The following PDE3A variants were observed in gnomAD, a reference collection of about 807,000 sequenced individuals.
The protein encoded by PDE3A is phosphodiesterase 3A.
In PDE3A, 43 loss-of-function variants were observed where a neutral mutation model predicts 98.3. That is an observed-to-expected ratio of 0.44 (90% CI 0.34 to 0.56). The LOEUF (loss-of-function observed/expected upper bound fraction) is 0.56. Among genes scored for constraint, PDE3A ranks in the 20% least tolerant of loss-of-function variants. PDE3A has a pLI of 0.01. For missense variants in PDE3A, 1,427 were observed against 1,440.7 expected (o/e 0.99, Z 0.15); for synonymous variants, 663 against 567.9 (o/e 1.17, Z -2.38).
At chr12:20,383,506 T>C (rs979620669) in intron 1 of PDE3A, among the ~76,000 whole-genome samples, 2 of 151,986 alleles carry the variant, frequency 1.3e-5, no homozygotes, top group African/African-American at 4.8e-5. Context: ...TTTTACCAGC[T>C]TCCACAGGGC....
intron 15 of PDE3A, among the ~76,000 whole-genome samples, chr12:20,670,426 A>T (rs1441675183): frequency 6.6e-6 from 1 of 152,014 alleles, no homozygotes; most frequent in Non-Finnish European, 1.5e-5. Flanking sequence ...CACCTATTCC[A>T]AAATTGACCA....
chr12:20,666,895 CAG>C (rs1259254640), intron 15 of PDE3A, among the ~76,000 whole-genome samples: 1 of 152,182 alleles, frequency 6.6e-6, no homozygotes, highest in Non-Finnish European at 1.5e-5. Flanking sequence ...TACCTACAAA[CAG>C]TGTTATGAGT....
chr12:20,381,768 C>G (rs1454085410), intron 1 of PDE3A, among the ~76,000 whole-genome samples: 2 of 151,828 alleles, frequency 1.3e-5, no homozygotes. Context: ...AAAATGTCGG[C>G]AAGTAAGTTT....
chr12:20,552,143 A>G lies in PDE3A; in HGVS notation c.961-4517A>G, dbSNP rs963118118. On this transcript the variant is annotated intron_variant, in intron 1 of 15. Coordinates refer to ENST00000359062, the MANE Select transcript of PDE3A (RefSeq NM_000921.5). This position sits in a 1 kb window ranked among gnomAD's most constrained non-coding sequence, Gnocchi z 5.1. ...TGTGATCAGAAACTCACCAACACCA[A>G]CAGGGCGCTGGCTCTCAACTGCTTT... 2.5e-6 allele frequency: 4 copies of G among 1,613,660 alleles called. No homozygotes were observed. The highest frequency in any genetic ancestry group is 2.5e-6 in the Non-Finnish European group (3 of 1,179,884).
intron 2 of PDE3A, among the ~76,000 whole-genome samples, chr12:20,610,122 G>GCCTT: frequency 1.0e-4 from 1 of 9,672 alleles, no homozygotes. Flanking sequence ...TGACAGACTG[G>GCCTT]GAAAAAAAAT....
At chr12:20,422,812 T>C (rs73239535) in intron 1 of PDE3A, among the ~76,000 whole-genome samples, 4,981 of 152,316 alleles carry the variant, frequency 0.033, 279 homozygotes, top group African/African-American at 0.11. Flanking sequence ...AGTTCTAGTA[T>C]GTTTATCTCT....
chr12:20,386,018 A>T (rs1170117388), intron 1 of PDE3A, among the ~76,000 whole-genome samples: 4 of 78,624 alleles, frequency 5.1e-5, no homozygotes, highest in African/African-American at 1.0e-4. Context: ...ATATATATAA[A>T]ATATATATAT....
At chr12:20,605,068 T>C (rs1943678239) in intron 2 of PDE3A, among the ~76,000 whole-genome samples, 1 of 152,210 alleles carries the variant, frequency 6.6e-6, no homozygotes, top group Admixed American at 6.5e-5. Context: ...AAAATCTATT[T>C]ATGAACTCTG....
chr12:20,545,830 A>G (rs1419356718), intron 1 of PDE3A, among the ~76,000 whole-genome samples: 1 of 152,038 alleles, frequency 6.6e-6, no homozygotes, highest in East Asian at 1.9e-4. Flanking sequence ...AAAACAAAAA[A>G]GTTTTGTGGA....
chr12:20,491,833 T>C (rs1398726095), intron 1 of PDE3A, among the ~76,000 whole-genome samples: 1 of 152,172 alleles, frequency 6.6e-6, no homozygotes, highest in East Asian at 1.9e-4. Flanking sequence ...TTTACAGTAG[T>C]AGTTAGTAGT....
At chr12:20,447,878 T>C (rs1222766684) in intron 1 of PDE3A, among the ~76,000 whole-genome samples, 1 of 152,102 alleles carries the variant, frequency 6.6e-6, no homozygotes, top group Non-Finnish European at 1.5e-5. Context: ...CTTGAGGGAC[T>C]GAGGGGTGAT....
intron 2 of PDE3A, among the ~76,000 whole-genome samples, chr12:20,595,022 T>C (rs1176463017): frequency 6.6e-6 from 1 of 152,148 alleles, no homozygotes; most frequent in Non-Finnish European, 1.5e-5. Flanking sequence ...ATTAGAATAT[T>C]TTCAACTGTA....
At chr12:20,405,264 G>A (rs1944212243) in intron 1 of PDE3A, among the ~76,000 whole-genome samples, 1 of 151,978 alleles carries the variant, frequency 6.6e-6, no homozygotes, top group African/African-American at 2.4e-5. Flanking sequence ...GGCCTCTTAT[G>A]GTTTCTTTGT....
chr12:20,670,569 G>A (rs1393263674), intron 15 of PDE3A, among the ~76,000 whole-genome samples: 3 of 152,062 alleles, frequency 2.0e-5, no homozygotes, highest in African/African-American at 7.3e-5. Context: ...CAACTGCATG[G>A]AAACTGAACA....
chr12:20,560,322 G>GAGTT (rs1294997182), intron 2 of PDE3A, among the ~76,000 whole-genome samples: 1 of 152,154 alleles, frequency 6.6e-6, no homozygotes, highest in Admixed American at 6.5e-5. Flanking sequence ...GCTGAGGAGG[G>GAGTT]AGTTAATATG....
Position 20,449,760 on chromosome 12 carries a change from C to CTGG in PDE3A, c.960+79516_960+79517insTGG, listed in dbSNP as rs1178444994. 4.0e-5 allele frequency: 19 copies of CTGG among 476,924 alleles called. No individual in the cohort carries two copies. In the East Asian group the frequency reaches 5.8e-4, roughly 14 times the overall value. The allele number at this position is 476,924 out of a possible 1,614,324, so 29.5% of individuals were successfully genotyped here. ...TGAAGTGGATGCTCAGGCTGGGGGT[C>CTGG]ATTCACCAGTGCTGTGAGGGACTGG... On this transcript the variant is annotated intron_variant, in intron 1 of 15. Coordinates refer to ENST00000359062, the MANE Select transcript of PDE3A (RefSeq NM_000921.5).
rs572838636 is a variant in PDE3A, at chr12:20,637,801, A to C, written c.2139+564A>C. On this transcript the variant is annotated intron_variant, in intron 9 of 15. Transcript: ENST00000359062. ...CTAGACTACTCTCAAGGCTTTTCAC[A>C]TAAATAATTACTTGTTTTGCTGAAG... Among the ~76,000 whole-genome samples the C allele has an allele frequency of 5.9e-5, 9 of 152,164 alleles. No individual in the cohort carries two copies. The South Asian group carries it at 1.9e-3, about 31-fold the overall frequency.
chr12:20,488,533 C>T (rs995517315), intron 1 of PDE3A, among the ~76,000 whole-genome samples: 15 of 152,040 alleles, frequency 9.9e-5, no homozygotes, highest in South Asian at 2.1e-4. Flanking sequence ...GTATGGAAAG[C>T]AAGATGCAAT....
rs994317854 is a variant in PDE3A at position 20,653,279 on chromosome 12, G to A, written c.2926-668G>A. Among the ~76,000 whole-genome samples, 3 of 151,934 alleles carry A rather than the reference G, an allele frequency of 2.0e-5. No individual in the cohort carries two copies. In the South Asian group the frequency reaches 6.2e-4, roughly 32 times the overall value. The stretch of plus-strand genomic sequence containing the variant: ...GGGATAAGGTAACCCCTTGAATTGA[G>A]CAATAAATTCTTTAAAGCTTTCTGG... On this transcript the variant is annotated intron_variant, in intron 14 of 15. Coordinates refer to ENST00000359062, the MANE Select transcript of PDE3A (RefSeq NM_000921.5).
Sources: allele counts gnomAD v4.1 joint callset (sites outside exome capture counted in the v4.1 genomes callset), GRCh38; gene constraint gnomAD v4.1.1; non-coding constraint Gnocchi (gnomAD v3.1); transcripts MANE v1.5; gene names NCBI Gene and HGNC (gene_info 2026-07-23, HGNC 2026-07-21).